The following GPC3 variants were observed in gnomAD, a reference collection of about 807,000 sequenced individuals.
GPC3 encodes the protein glypican 3.
A neutral mutation model predicts 34.4 loss-of-function variants in GPC3; 3 were observed. The ratio of observed to expected loss-of-function variants is 0.09; its 90% CI spans 0.04 to 0.23. The LOEUF is 0.23. Among genes scored for constraint, GPC3 ranks in the 10% least tolerant of loss-of-function variants. The pLI is 1.00. For synonymous variants in GPC3, 177 were observed against 174.0 expected (o/e 1.02, Z -0.13); for missense variants, 351 against 445.6 (o/e 0.79, Z 1.91).
Position 133,946,369 on chromosome X carries a change from T to A in GPC3, c.337+6681A>T, listed in dbSNP as rs1426093902. Among the ~76,000 whole-genome samples the A allele has an allele frequency of 2.7e-5, 3 of 112,056 alleles. No individual in the cohort carries two copies. The East Asian group carries it at 8.4e-4, about 31-fold the overall frequency. On this transcript the variant is annotated intron_variant, in intron 2 of 7. Transcript: ENST00000370818. ...ACCTAATCTCTTTAAGCCTCCATTT[T>A]GTCAGTGATAAAATGAGGCTAATGA... is the stretch of plus-strand genomic sequence containing the variant.
At chrX:133,953,249 A>C (rs1012765914) in intron 1 of GPC3, 38 bp from the exon 2 acceptor site, 1 of 1,154,733 alleles carries the variant, frequency 8.7e-7, no homozygotes, top group Non-Finnish European at 1.2e-6. Context: ...AGTAAGCAGG[A>C]TCTCTCTCTC....
chrX:133,917,289 C>T (rs1307513846), intron 2 of GPC3, among the ~76,000 whole-genome samples: 2 of 111,660 alleles, frequency 1.8e-5, no homozygotes, highest in African/African-American at 6.5e-5. Context: ...GGAGATACAC[C>T]AATGACAGTG....
chrX:133,749,637 G>T (rs2071642825), intron 3 of GPC3, among the ~76,000 whole-genome samples: 1 of 111,811 alleles, frequency 8.9e-6, no homozygotes, highest in South Asian at 3.8e-4. Context: ...CTGTGTGGCA[G>T]ACCTCATGTC....
At chrX:133,775,468 T>C (rs2124497559) in intron 2 of GPC3, among the ~76,000 whole-genome samples, 1 of 112,153 alleles carries the variant, frequency 8.9e-6, no homozygotes, top group East Asian at 2.8e-4. Context: ...TATGTTGAGA[T>C]TGATATGAAC....
intron 2 of GPC3, among the ~76,000 whole-genome samples, chrX:133,887,010 TTTTG>T (rs763492963): frequency 8.9e-6 from 1 of 112,373 alleles, no homozygotes; most frequent in East Asian, 2.8e-4. Context: ...TTCAGTTTTG[TTTTG>T]TTTCTTTTTG....
intron 7 of GPC3, among the ~76,000 whole-genome samples, chrX:133,595,990 T>G (rs994733191): frequency 5.3e-5 from 6 of 112,222 alleles, no homozygotes; most frequent in Non-Finnish European, 1.1e-4. Flanking sequence ...CATTTCTTTT[T>G]TTTGTTTGTT....
intron 2 of GPC3, among the ~76,000 whole-genome samples, chrX:133,896,976 A>G (rs1376586987): frequency 6.1e-5 from 6 of 98,715 alleles, no homozygotes; most frequent in Admixed American, 2.4e-4. Context: ...GCGTGATCTC[A>G]GCTCACTGCA....
chrX:133,540,531 A>C (rs749937067), intron 7 of GPC3, among the ~76,000 whole-genome samples: 4 of 111,312 alleles, frequency 3.6e-5, no homozygotes, highest in Non-Finnish European at 7.5e-5. Context: ...GAATGACATA[A>C]TAGACACTGG....
Position 133,754,152 on chromosome X carries a change from T to C in GPC3, c.362A>G (p.His121Arg), listed in dbSNP as rs1185826089. ...CATGGCATTGGTGTAGTTCTTGGCA[T>C]GGCGAACAACAATTTCAAAGGCCTC... The part of the protein sequence containing the change: ...FQEAFEIVVR[H>R]AKNYTNAMFK... Residue 121 changes from histidine (H) to arginine (R), a missense_variant, in exon 3 of 8, where the codon CAT becomes CGT. Coordinates refer to ENST00000370818, the MANE Select transcript of GPC3 (RefSeq NM_004484.4). The C allele has an allele frequency of 1.3e-5, 15 of 1,185,350 alleles. No individual in the cohort carries two copies. The highest frequency in any genetic ancestry group is 1.7e-5 in the Non-Finnish European group (15 of 880,257).
At chrX:133,550,746 G>A (rs2069426839) in intron 7 of GPC3, among the ~76,000 whole-genome samples, 1 of 111,963 alleles carries the variant, frequency 8.9e-6, no homozygotes, top group Admixed American at 9.4e-5. Context: ...ATTTCCTTAG[G>A]AGAAGGAGCC....
chrX:133,960,000 T>C (rs1393388563), intron 1 of GPC3, among the ~76,000 whole-genome samples: 2 of 111,716 alleles, frequency 1.8e-5, no homozygotes, highest in Middle Eastern at 4.6e-3. Context: ...AAATATGTGA[T>C]ATAGACAACA....
At chrX:133,656,310 T>A (rs1446311829) in intron 6 of GPC3, among the ~76,000 whole-genome samples, 1 of 112,430 alleles carries the variant, frequency 8.9e-6, no homozygotes, top group Non-Finnish European at 1.9e-5. Context: ...ATTCTGCACA[T>A]CTTTTCTATA....
chrX:133,892,888 C>T (rs1210050163), intron 2 of GPC3, among the ~76,000 whole-genome samples: 1 of 111,789 alleles, frequency 8.9e-6, no homozygotes, highest in Non-Finnish European at 1.9e-5. Context: ...GATTTATATG[C>T]ATCTTGAATT....
rs758499672 is a variant in GPC3 at position 133,694,760 on chromosome X, C to A, written c.1167-2266G>T. Among the ~76,000 whole-genome samples the A allele has an allele frequency of 3.7e-3, 395 of 107,383 alleles. 4 individuals are homozygous for A. Among genetic ancestry groups the A allele is most frequent in the East Asian group, 0.011 (39 of 3,415 alleles). The allele number at this position is 107,383 out of a possible 115,157, so 93.2% of individuals were successfully genotyped here. The stretch of plus-strand genomic sequence containing the variant: ...ATTTCCATAGAAGTTAAAAAAAAAA[C>A]CAAAAAACAAACAAAAAAAAAACCA... On this transcript the variant is annotated intron_variant, in intron 4 of 7. Coordinates refer to ENST00000370818, the MANE Select transcript of GPC3 (RefSeq NM_004484.4).
chrX:133,615,013 C>T (rs1489367537), intron 6 of GPC3, among the ~76,000 whole-genome samples: 1 of 111,934 alleles, frequency 8.9e-6, no homozygotes, highest in Admixed American at 9.5e-5. Flanking sequence ...AACAGAAAAT[C>T]TGAATAGATC....
chrX:133,781,727 G>C (rs2072046692), intron 2 of GPC3, among the ~76,000 whole-genome samples: 1 of 111,243 alleles, frequency 9.0e-6, no homozygotes, highest in Non-Finnish European at 1.9e-5. Context: ...AGTTGCAATG[G>C]CCAAAGCTAC....
At chrX:133,770,143 G>A (rs2071899722) in intron 2 of GPC3, among the ~76,000 whole-genome samples, 1 of 111,893 alleles carries the variant, frequency 8.9e-6, no homozygotes, top group East Asian at 2.9e-4. Flanking sequence ...CAGGGTTGGT[G>A]GCGCATGCCT....
At chrX:133,625,935 C>A (rs1225409057) in intron 6 of GPC3, among the ~76,000 whole-genome samples, 2 of 102,595 alleles carry the variant, frequency 1.9e-5, no homozygotes, top group African/African-American at 7.1e-5. Flanking sequence ...CTACAGTAAC[C>A]AAAACAGCAT....
chrX:133,933,303 A>G (rs912144871), intron 2 of GPC3, among the ~76,000 whole-genome samples: 72 of 110,058 alleles, frequency 6.5e-4, no homozygotes, highest in Non-Finnish European at 2.3e-4. Flanking sequence ...GATGCCAACA[A>G]TGAGCAAGGG....
Sources: gnomAD v4.1 joint callset for allele counts (sites outside exome capture counted in the v4.1 genomes callset) on GRCh38, gnomAD v4.1.1 for gene constraint, MANE v1.5 for transcripts, NCBI Gene and HGNC (gene_info 2026-07-23, HGNC 2026-07-21) for gene names.